VTI1B: variants seen among roughly 807,000 people sequenced by gnomAD.
The protein encoded by VTI1B is vesicle transport through interaction with t-SNAREs 1B.
A neutral mutation model predicts 28.6 loss-of-function variants in VTI1B; 18 were observed. The ratio of observed to expected loss-of-function variants is 0.63; its 90% CI spans 0.43 to 0.93. The LOEUF (loss-of-function observed/expected upper bound fraction) is 0.93, where lower values mean the gene tolerates loss of function less well. Among genes scored for constraint, VTI1B ranks in the 40% least tolerant of loss-of-function variants. The pLI is 0.00. For missense variants in VTI1B, 283 were observed against 297.0 expected, an observed-to-expected ratio of 0.95 and a Z score of 0.35; for synonymous variants, 100 against 107.9, an observed-to-expected ratio of 0.93 and a Z score of 0.46.
At chr14:67,665,042 T>A (rs2140836401) in intron 1 of VTI1B, among the ~76,000 whole-genome samples, 1 of 152,238 alleles carries the variant, frequency 6.6e-6, no homozygotes, top group South Asian at 2.1e-4. Flanking sequence ...ATTTTTCTAT[T>A]TTTTGGTAGA....
intron 1 of VTI1B, among the ~76,000 whole-genome samples, chr14:67,667,885 A>C (rs1261860179): frequency 1.3e-5 from 2 of 152,194 alleles, no homozygotes; most frequent in African/African-American, 4.8e-5. Flanking sequence ...CAGAAGTTGC[A>C]GTGAGCCGAG....
intron 1 of VTI1B, among the ~76,000 whole-genome samples, chr14:67,671,296 C>T (rs1234597922): frequency 2.6e-5 from 4 of 152,034 alleles, no homozygotes; most frequent in African/African-American, 4.8e-5. Context: ...GAGGCCGTGG[C>T]GGGCAGATCA....
At chr14:67,660,125 G>A (rs550797022) in intron 2 of VTI1B, 2 of 527,914 alleles carry the variant, frequency 3.8e-6, no homozygotes, top group African/African-American at 3.9e-5. Context: ...CACAGAGCAG[G>A]CATTCGAGTA....
intron 1 of VTI1B, among the ~76,000 whole-genome samples, chr14:67,667,689 A>C (rs752541581): frequency 5.9e-5 from 9 of 152,218 alleles, no homozygotes; most frequent in Non-Finnish European, 1.3e-4. Flanking sequence ...TCACGCCTGT[A>C]ATCCCTGCAC....
At chr14:67,671,667 T>C (rs72723122) in intron 1 of VTI1B, among the ~76,000 whole-genome samples, 18,910 of 152,258 alleles carry the variant, frequency 0.12, 1,210 homozygotes, top group Admixed American at 0.14. Context: ...ACAGAATAGC[T>C]GAGTCTGGGT....
At position 67,651,448 on chromosome 14, in the gene VTI1B, G is replaced by A; in HGVS notation, c.636C>T (p.Ile212=). 1 of 1,613,958 alleles carries A rather than the reference G, an allele frequency of 6.2e-7. No individual in the cohort carries two copies. The highest frequency in any genetic ancestry group is 8.5e-7 in the Non-Finnish European group (1 of 1,179,834). Residue 212 remains isoleucine, a synonymous_variant, in exon 6 of 6, where the codon ATC becomes ATT. Coordinates refer to ENST00000554659, the MANE Select transcript of VTI1B (RefSeq NM_006370.3). ...VTTNKLLLSI[I]ILLELAILGG... is the part of the protein sequence containing the mutation. ...CCAGGATGGCGAGCTCCAGTAAGAT[G>A]ATAATGGAAAGCAGCAGCTTGTTGG...
chr14:67,650,646 C>A lies in VTI1B; in HGVS notation c.*739G>T. On this transcript the variant is annotated 3_prime_UTR_variant, in exon 6 of 6. Coordinates refer to ENST00000554659, the MANE Select transcript of VTI1B (RefSeq NM_006370.3). Reference sequence around the variant, plus strand: ...TTACTTTGGCTTGTTCTCCCTGTCCCAGTGGGATGACCCTCACTGAGAGTA... The same window carrying A: ...TTACTTTGGCTTGTTCTCCCTGTCCAAGTGGGATGACCCTCACTGAGAGTA... 2 of 1,432,760 alleles carry A rather than the reference C, an allele frequency of 1.4e-6. No individual in the cohort carries two copies. The highest frequency in any genetic ancestry group is 2.0e-6 in the Non-Finnish European group (2 of 1,017,486). The allele number at this position is 1,432,760 out of a possible 1,614,324, so 88.8% of individuals were successfully genotyped here. A position where few individuals can be genotyped will look rare whatever the true frequency, so the allele number is the denominator to read the frequency against.
In VTI1B at chr14:67,674,401, T is replaced by A. The variant is rs1387474863; in HGVS notation, c.89A>T (p.Glu30Val). The A allele has an allele frequency of 1.9e-6, 3 of 1,603,092 alleles. No homozygotes were observed. In the Admixed American group the frequency reaches 5.1e-5, roughly 27 times the overall value. ...GGTCCCCGCCGTCCCCAGCAGCCGC[T>A]CGGGCACCCCTTGTAGGTCTTCATG... Reference protein sequence around the residue: ...GLHEDLQGVPERLLGTAGTEE... With the variant: ...GLHEDLQGVPVRLLGTAGTEE... Residue 30 changes from glutamate to valine, a missense_variant, in exon 1 of 6, where the codon GAG becomes GTG. Coordinates refer to ENST00000554659, the MANE Select transcript of VTI1B (RefSeq NM_006370.3).
intron 4 of VTI1B, among the ~76,000 whole-genome samples, chr14:67,655,832 T>G (rs576207798): frequency 2.0e-5 from 3 of 152,184 alleles, no homozygotes; most frequent in Non-Finnish European, 4.4e-5. Flanking sequence ...ATCTTGTAAG[T>G]GTAGAAATCA....
rs2037349709 is a variant in VTI1B at position 67,662,473 on chromosome 14, T to A, written c.174+4A>T. ...AAGAAACAAAATTTGTTCCTTGTTC[T>A]CACCGTTTCATTTGCTTCCTGTTGC... On this transcript the variant is annotated splice_donor_region_variant and intron_variant, in intron 2 of 5. Transcript: ENST00000554659. The A allele has an allele frequency of 1.9e-6, 3 of 1,612,444 alleles. No individual in the cohort carries two copies. Among genetic ancestry groups the A allele is most frequent in the Non-Finnish European group, 1.7e-6 (2 of 1,179,468 alleles).
chr14:67,670,470 C>A (rs1188091593), intron 1 of VTI1B, among the ~76,000 whole-genome samples: 1 of 152,126 alleles, frequency 6.6e-6, no homozygotes, highest in Non-Finnish European at 1.5e-5. Context: ...TTTTTTGAAG[C>A]TTCCCCCTCT....
chr14:67,647,855 T>G lies in VTI1B; in HGVS notation c.*3530A>C. On this transcript the variant is annotated 3_prime_UTR_variant, in exon 6 of 6. Coordinates refer to ENST00000554659, the MANE Select transcript of VTI1B (RefSeq NM_006370.3). ...AATGGCAGTATCATGAAGTGGTATG[T>G]AGGAAGTTAATATTGCCAATCTCAG... 1.7e-6 allele frequency: 1 copy of G among 602,800 alleles called. No homozygotes were observed. The allele number at this position is 602,800 out of a possible 1,614,324, so 37.3% of individuals were successfully genotyped here. A position where few individuals can be genotyped will look rare whatever the true frequency, so the allele number is the denominator to read the frequency against.
intron 3 of VTI1B, among the ~76,000 whole-genome samples, chr14:67,658,093 C>T (rs1020254625): frequency 1.7e-4 from 26 of 151,986 alleles, no homozygotes; most frequent in African/African-American, 6.3e-4. Context: ...GACCAGTAGA[C>T]GAGGAAACCA....
chr14:67,666,057 C>T (rs17191694), intron 1 of VTI1B, among the ~76,000 whole-genome samples: 20,596 of 152,178 alleles, frequency 0.14, 1,938 homozygotes, highest in Non-Finnish European at 0.22. Context: ...TAAGCTGTCC[C>T]AAAAGTGCTG....
rs561696900 is a variant in VTI1B, at chr14:67,656,491, C to T, written c.465G>A (p.Glu155=). ...SIERSHRIAT[E]TDQIGSEIIE... is the part of the protein sequence containing the mutation. ...TGATTTCTGAGCCAATCTGGTCAGT[C>T]TCTGTGGCAATCCGATGAGAACGTT... Residue 155 remains glutamate, a synonymous_variant, in exon 4 of 6, where the codon GAG becomes GAA. Coordinates refer to ENST00000554659, the MANE Select transcript of VTI1B (RefSeq NM_006370.3). 1.2e-6 allele frequency: 2 copies of T among 1,613,970 alleles called. No homozygotes were observed. The highest frequency in any genetic ancestry group is 1.7e-5 in the Admixed American group (1 of 60,002).
intron 2 of VTI1B, among the ~76,000 whole-genome samples, chr14:67,661,529 CTTTTTTTTTTTTT>C (rs35440818): frequency 9.1e-6 from 1 of 110,076 alleles, no homozygotes; most frequent in African/African-American, 3.7e-5. Context: ...GAACAGTAAC[CTTTTTTTTTTTTT>C]TTTTTTTTTG....
rs899379221 is a variant in VTI1B at position 67,651,450 on chromosome 14, T to C, written c.634A>G (p.Ile212Val). The C allele has an allele frequency of 4.7e-5, 76 of 1,613,750 alleles. No homozygotes were observed. Among genetic ancestry groups the C allele is most frequent in the Non-Finnish European group, 5.4e-5 (64 of 1,179,816 alleles). Residue 212 changes from isoleucine to valine, a missense_variant, in exon 6 of 6, where the codon ATC (isoleucine) becomes GTC (valine). Transcript: ENST00000554659. ...VTTNKLLLSI[I>V]ILLELAILGG... is the part of the protein sequence containing the mutation. ...AGGATGGCGAGCTCCAGTAAGATGA[T>C]AATGGAAAGCAGCAGCTTGTTGGTT...
chr14:67,665,120 T>C (rs561264986), intron 1 of VTI1B, among the ~76,000 whole-genome samples: 34 of 152,350 alleles, frequency 2.2e-4, no homozygotes, highest in African/African-American at 7.7e-4. Context: ...CCCAAAGTGC[T>C]GGGATAACAG....
intron 1 of VTI1B, 97 bp from the exon 2 acceptor site, chr14:67,662,632 C>T: frequency 8.9e-7 from 1 of 1,124,512 alleles, no homozygotes; most frequent in Non-Finnish European, 1.3e-6. Context: ...ATGGCAGGGC[C>T]TGGTGGCTCA....
Sources: allele counts gnomAD v4.1 joint callset (sites outside exome capture counted in the v4.1 genomes callset), GRCh38; gene constraint gnomAD v4.1.1; transcripts MANE v1.5; gene names NCBI Gene and HGNC (gene_info 2026-07-23, HGNC 2026-07-21).